Variants in PTH1R observed in about 807,000 individuals in gnomAD.
PTH1R encodes the protein parathyroid hormone/parathyroid hormone-related peptide receptor.
A neutral mutation model predicts 70.7 loss-of-function variants in PTH1R; 32 were observed. That is an observed-to-expected ratio of 0.45 (90% CI 0.34 to 0.61). The LOEUF is 0.61. PTH1R is among the 20% of genes least tolerant of loss of function. The pLI is 0.01. For synonymous variants in PTH1R, 329 were observed against 324.8 expected (o/e 1.01, Z -0.14); for missense variants, 626 against 792.5 (o/e 0.79, Z 2.52).
rs2031709592 is a variant in PTH1R, at chr3:46,895,719, AC to A, written c.179-13del. 8 of 1,613,716 alleles carry A rather than the reference AC, an allele frequency of 5.0e-6. No individual in the cohort carries two copies. The highest frequency in any genetic ancestry group is 6.8e-6 in the Non-Finnish European group (8 of 1,179,940). ...AGCACAGCTGACAGCCATCATTACC[AC>A]CCTGGTTTCTCCAGCCAGCATAATG... is the stretch of plus-strand genomic sequence containing the variant. On this transcript the variant is annotated splice_polypyrimidine_tract_variant and intron_variant, in intron 4 of 15. Coordinates refer to ENST00000449590, the MANE Select transcript of PTH1R (RefSeq NM_000316.3).
At chr3:46,880,637 G>A (rs890603804) in intron 1 of PTH1R, among the ~76,000 whole-genome samples, 4 of 152,190 alleles carry the variant, frequency 2.6e-5, no homozygotes, top group African/African-American at 9.7e-5. Flanking sequence ...CTACTTGGGA[G>A]AATCACTTGA....
chr3:46,881,964 A>T (rs901886160), intron 2 of PTH1R: 1 of 151,960 alleles, frequency 6.6e-6, no homozygotes, highest in African/African-American at 2.4e-5. Flanking sequence ...GGGAAAAAAA[A>T]TTTAAAAGCC....
chr3:46,898,759 T>C lies in PTH1R; in HGVS notation c.736T>C (p.Ser246Pro), dbSNP rs1219838438. 4.4e-6 allele frequency: 7 copies of C among 1,607,624 alleles called. No individual in the cohort carries two copies. Among genetic ancestry groups the C allele is most frequent in the Non-Finnish European group, 5.9e-6 (7 of 1,178,872 alleles). ...CTTCGTCAAGGACGCTGTGCTCTACTCTGGCGCCACGCTTGATGAGGCTGA... is the reference window on the plus strand; with the variant it reads ...CTTCGTCAAGGACGCTGTGCTCTACCCTGGCGCCACGCTTGATGAGGCTGA... ...SIFVKDAVLY[S>P]GATLDEAERL... The change falls in exon 9 of 16, where the codon TCT becomes CCT. Residue 246 changes from serine (S) to proline (P), a missense_variant. Ser to Pro is a moderately conservative substitution (Grantham distance 74). Around this residue, in one of 3 missense-constraint regions of PTH1R, gnomAD observed 495 missense variants for 638.7 expected, o/e 0.77. Transcript: ENST00000449590.
Position 46,893,977 on chromosome 3 carries a change from A to G in PTH1R, c.146A>G (p.Glu49Gly). The change falls in exon 4 of 16, where the codon GAA becomes GGA. Residue 49 changes from glutamate to glycine, a missense_variant. Physicochemically the swap from Glu to Gly is moderately conservative, Grantham distance 98. This residue lies in a region of PTH1R where 123 missense variants were observed against 125.7 expected (regional missense o/e 0.98). Transcript: ENST00000449590. The surrounding 1 kb of genome is among the most constrained non-coding windows in gnomAD (Gnocchi z 5.2). The part of the protein sequence containing the change: ...FLLHRAQAQC[E>G]KRLKEVLQRP... ...CTGCACCGTGCTCAGGCCCAGTGCG[A>G]AAAACGGCTCAAGGAGGTCCTGCAG... The G allele has an allele frequency of 6.2e-7, 1 of 1,614,146 alleles. No homozygotes were observed. The highest frequency in any genetic ancestry group is 8.5e-7 in the Non-Finnish European group (1 of 1,179,996).
chr3:46,895,917 C>A, intron 5 of PTH1R, 48 bp downstream of exon 5: 1 of 1,595,964 alleles, frequency 6.3e-7, no homozygotes, highest in African/African-American at 1.3e-5. Context: ...TTGGATCCAC[C>A]CACCCCCATT....
At position 46,902,494 on chromosome 3, in the gene PTH1R, T is replaced by G. The variant is rs779224486; in HGVS notation, c.1212-32T>G. 4 of 1,606,214 alleles carry G rather than the reference T, an allele frequency of 2.5e-6. No individual in the cohort carries two copies. The highest frequency in any genetic ancestry group is 3.4e-6 in the Non-Finnish European group (4 of 1,177,390). ...CAATGCTTGTTGAAGGGGAAGTGGC[T>G]TGGCCCTGACCTACCTGCCCCGCTG... On this transcript the variant is annotated intron_variant, in intron 13 of 15. Transcript: ENST00000449590. The surrounding 1 kb of genome is among the most constrained non-coding windows in gnomAD (Gnocchi z 5.4).
chr3:46,902,140 G>T lies in PTH1R; in HGVS notation c.1211+280G>T, dbSNP rs947767652. On this transcript the variant is annotated intron_variant, in intron 13 of 15. Transcript: ENST00000449590. The surrounding 1 kb of genome is among the most constrained non-coding windows in gnomAD (Gnocchi z 5.4). The stretch of plus-strand genomic sequence containing the variant: ...TGAACCTCTCCTCAAAGAGTTGGTT[G>T]CAGGGGGTCTGAGGAACAGGTAGGC... Among the ~76,000 whole-genome samples, 3 of 152,208 alleles carry T rather than the reference G, an allele frequency of 2.0e-5. No individual in the cohort carries two copies. Among genetic ancestry groups the T allele is most frequent in the Non-Finnish European group, 2.9e-5 (2 of 68,026 alleles).
rs571011973 is a variant in PTH1R at position 46,893,958 on chromosome 3, C to T, written c.127C>T (p.Arg43Cys). 6.8e-6 allele frequency: 11 copies of T among 1,614,162 alleles called. No individual in the cohort carries two copies. The highest frequency in any genetic ancestry group is 2.2e-5 in the East Asian group (1 of 44,882). The change falls in exon 4 of 16, where the codon CGT becomes TGT. Residue 43 changes from arginine (R) to cysteine (C), a missense_variant. By Grantham distance (180) the Arg-to-Cys change is radical. This residue lies in a region of PTH1R where 123 missense variants were observed against 125.7 expected (regional missense o/e 0.98). Transcript: ENST00000449590. The surrounding 1 kb of genome is among the most constrained non-coding windows in gnomAD (Gnocchi z 5.2). ...TKEEQIFLLH[R>C]AQAQCEKRLK... is the part of the protein sequence containing the mutation. ...AGAGGAACAGATCTTCCTGCTGCAC[C>T]GTGCTCAGGCCCAGTGCGAAAAACG...
In PTH1R at chr3:46,884,926, C is replaced by G. The variant is rs2030918076; in HGVS notation, c.75+1292C>G. Among the ~76,000 whole-genome samples, 1 of 152,212 alleles carries G rather than the reference C, an allele frequency of 6.6e-6. No individual in the cohort carries two copies. Among genetic ancestry groups the G allele is most frequent in the South Asian group, 2.1e-4 (1 of 4,838 alleles). ...CCACTTACCTGTGCCTACACCCTCACAATTCTGGCCCCAGCAAAGGCTCCC... is the reference window on the plus strand; with the variant it reads ...CCACTTACCTGTGCCTACACCCTCAGAATTCTGGCCCCAGCAAAGGCTCCC... On this transcript the variant is annotated intron_variant, in intron 3 of 15. Transcript: ENST00000449590. This position sits in a 1 kb window ranked among gnomAD's most constrained non-coding sequence, Gnocchi z 4.8.
chr3:46,903,328 G>T lies in PTH1R; in HGVS notation c.1454G>T (p.Arg485Leu). 2.5e-6 allele frequency: 4 copies of T among 1,613,676 alleles called. No homozygotes were observed. Among genetic ancestry groups the T allele is most frequent in the Non-Finnish European group, 3.4e-6 (4 of 1,180,026 alleles). Residue 485 changes from arginine (R) to leucine (L), a missense_variant, in exon 16 of 16, where the codon CGA (arginine) becomes CTA (leucine). By Grantham distance (102) the Arg-to-Leu change is moderately radical. Coordinates refer to ENST00000449590, the MANE Select transcript of PTH1R (RefSeq NM_000316.3). This position sits in a 1 kb window ranked among gnomAD's most constrained non-coding sequence, Gnocchi z 4.4. The part of the protein sequence containing the change: ...SRWTLALDFK[R>L]KARSGSSSYS... Reference sequence around the variant, plus strand: ...TGGACACTGGCACTGGACTTCAAGCGAAAGGCACGCAGCGGGAGCAGCAGC... The same window carrying T: ...TGGACACTGGCACTGGACTTCAAGCTAAAGGCACGCAGCGGGAGCAGCAGC...
Position 46,903,679 on chromosome 3 carries a change from G to T in PTH1R, c.*23G>T, listed in dbSNP as rs761442339. ...TGACCAGGCGCTGGGGGCTGGACCT[G>T]CTGACATAGTGGATGGACAGATGGA... On this transcript the variant is annotated 3_prime_UTR_variant, in exon 16 of 16. Coordinates refer to ENST00000449590, the MANE Select transcript of PTH1R (RefSeq NM_000316.3). This position sits in a 1 kb window ranked among gnomAD's most constrained non-coding sequence, Gnocchi z 4.4. 4.4e-6 allele frequency: 7 copies of T among 1,604,138 alleles called. No individual in the cohort carries two copies. In the African/African-American group the frequency reaches 9.3e-5, roughly 21 times the overall value.
rs575417213 is a variant in PTH1R at position 46,902,797 on chromosome 3, A to T, written c.1395+7A>T. 6.2e-7 allele frequency: 1 copy of T among 1,613,740 alleles called. No individual in the cohort carries two copies. The highest frequency in any genetic ancestry group is 1.3e-5 in the African/African-American group (1 of 75,026). On this transcript the variant is annotated splice_region_variant and intron_variant, in intron 15 of 15. Transcript: ENST00000449590. This position sits in a 1 kb window ranked among gnomAD's most constrained non-coding sequence, Gnocchi z 5.4. Reference sequence around the variant, plus strand: ...CTGTTTCTGCAATGGCGAGGTAAGCAGGAGACAGTGTTGGCATAGGGCAGG... The same window carrying T: ...CTGTTTCTGCAATGGCGAGGTAAGCTGGAGACAGTGTTGGCATAGGGCAGG...
chr3:46,880,875 A>C (rs1348090304), intron 1 of PTH1R, among the ~76,000 whole-genome samples, 187 bp from the exon 2 acceptor site: 4 of 152,146 alleles, frequency 2.6e-5, no homozygotes, highest in Non-Finnish European at 5.9e-5. Context: ...AGGCCTTAGG[A>C]CTTGGGCTTG....
rs969306558 is a variant in PTH1R at position 46,896,120 on chromosome 3, C to T, written c.313+251C>T. On this transcript the variant is annotated intron_variant, in intron 5 of 15. Coordinates refer to ENST00000449590, the MANE Select transcript of PTH1R (RefSeq NM_000316.3). This position sits in a 1 kb window ranked among gnomAD's most constrained non-coding sequence, Gnocchi z 4.1. ...CACACCAAGAGTGGACCCAGGGCTA[C>T]GGTCCCACCCATGGAGAGAAAGAGA... Among the ~76,000 whole-genome samples, 3 of 152,032 alleles carry T rather than the reference C, an allele frequency of 2.0e-5. No homozygotes were observed. The highest frequency in any genetic ancestry group is 4.8e-5 in the African/African-American group (2 of 41,378).
chr3:46,895,094 A>AAAAAAAAAC (rs2031670783), intron 4 of PTH1R, among the ~76,000 whole-genome samples: 9 of 49,152 alleles, frequency 1.8e-4, no homozygotes, highest in South Asian at 7.9e-4. Context: ...CAAACAAACA[A>AAAAAAAAAC]AAAAAAAAAA....
Position 46,901,447 on chromosome 3 carries a change from G to T in PTH1R, c.1083G>T (p.Trp361Cys). 1 of 1,576,356 alleles carries T rather than the reference G, an allele frequency of 6.3e-7. No individual in the cohort carries two copies. The highest frequency in any genetic ancestry group is 1.3e-5 in the African/African-American group (1 of 74,262). Residue 361 changes from tryptophan (W) to cysteine (C), a missense_variant, in exon 12 of 16, where the codon TGG (tryptophan) becomes TGT (cysteine). Coordinates refer to ENST00000449590, the MANE Select transcript of PTH1R (RefSeq NM_000316.3). This position sits in a 1 kb window ranked among gnomAD's most constrained non-coding sequence, Gnocchi z 7.3. ...ACTTGAGCTCCGGGAACAAAAAGTG[G>T]ATCATCCAGGTGCCCATCCTGGCCT... Reference protein sequence around the residue: ...CWDLSSGNKKWIIQVPILASI... With the variant: ...CWDLSSGNKKCIIQVPILASI...
chr3:46,900,889 A>T (rs1189925741), intron 10 of PTH1R, 136 bp from the exon 11 acceptor site: 9 of 963,794 alleles, frequency 9.3e-6, no homozygotes, highest in Admixed American at 6.0e-5. Flanking sequence ...TGGCTCTGTC[A>T]CCAAGTGGAC....
chr3:46,883,365 G>C lies in PTH1R; in HGVS notation c.-48-147G>C, dbSNP rs2030780290. 1 of 160,300 alleles carries C rather than the reference G, an allele frequency of 6.2e-6. No homozygotes were observed. Among genetic ancestry groups the C allele is most frequent in the East Asian group, 1.6e-4 (1 of 6,252 alleles). 9.9% of individuals were successfully genotyped at this position (160,300 alleles called of 1,614,324 possible). On this transcript the variant is annotated intron_variant, in intron 2 of 15. Coordinates refer to ENST00000449590, the MANE Select transcript of PTH1R (RefSeq NM_000316.3). The surrounding 1 kb of genome is among the most constrained non-coding windows in gnomAD (Gnocchi z 6.4). ...CCTCCCTCCCTCCTTTGCGCTGCTC[G>C]CTCGCTCGCTCGCTCGCTCGCCCTC...
rs1186943874 is a variant in PTH1R at position 46,902,212 on chromosome 3, C to T, written c.1212-314C>T. On this transcript the variant is annotated intron_variant, in intron 13 of 15. Coordinates refer to ENST00000449590, the MANE Select transcript of PTH1R (RefSeq NM_000316.3). This position sits in a 1 kb window ranked among gnomAD's most constrained non-coding sequence, Gnocchi z 5.4. ...TGCAGCTCAGCTGAAACCTGAGGAG[C>T]GGACTGTGGGATAGTGAGGTTCGAC... Among the ~76,000 whole-genome samples, 3 of 152,140 alleles carry T rather than the reference C, an allele frequency of 2.0e-5. No homozygotes were observed. The highest frequency in any genetic ancestry group is 7.2e-5 in the African/African-American group (3 of 41,428).
Sources: gnomAD v4.1 joint callset for allele counts (sites outside exome capture counted in the v4.1 genomes callset) on GRCh38, gnomAD v4.1.1 for gene constraint, gnomAD v4.1.1 regional missense constraint, Gnocchi (gnomAD v3.1) non-coding constraint, MANE v1.5 for transcripts, NCBI Gene and HGNC (gene_info 2026-07-23, HGNC 2026-07-21) for gene names.